PRDM6: variants seen among roughly 807,000 people sequenced by gnomAD.
PRDM6 encodes putative histone-lysine N-methyltransferase PRDM6.
In PRDM6, 25 loss-of-function variants were observed where a neutral mutation model predicts 60.8. The ratio of observed to expected loss-of-function variants is 0.41; its 90% CI spans 0.30 to 0.57. The LOEUF is 0.57. PRDM6 is among the 20% of genes least tolerant of loss of function. The pLI is 0.27. For missense variants in PRDM6, 839 were observed against 821.3 expected (o/e 1.02, Z -0.26); for synonymous variants, 407 against 357.4 (o/e 1.14, Z -1.57).
intron 6 of PRDM6, among the ~76,000 whole-genome samples, chr5:123,172,475 G>A (rs929580524): frequency 6.6e-5 from 10 of 152,234 alleles, no homozygotes; most frequent in Non-Finnish European, 1.0e-4. Flanking sequence ...TACTATTGGC[G>A]TAGAGGTGAT....
intron 5 of PRDM6, among the ~76,000 whole-genome samples, chr5:123,167,516 A>G (rs1765780230): frequency 6.6e-6 from 1 of 152,128 alleles, no homozygotes; most frequent in Non-Finnish European, 1.5e-5. Context: ...CAGCCTCCCA[A>G]GTAGCTGGGA....
chr5:123,125,061 A>AT (rs11345367), intron 3 of PRDM6, among the ~76,000 whole-genome samples: 65,487 of 138,144 alleles, frequency 0.47, 15,554 homozygotes, highest in Middle Eastern at 0.58. Context: ...AACTTACAAC[A>AT]TTTTTTTTTT....
chr5:123,150,601 G>A (rs539190072), intron 3 of PRDM6, among the ~76,000 whole-genome samples: 48 of 152,254 alleles, frequency 3.2e-4, no homozygotes, highest in Middle Eastern at 3.4e-3. Context: ...ATCTATGTTG[G>A]CAAACAGTAT....
rs1305393659 is a variant in PRDM6, at chr5:123,180,207, C to T, written c.1557C>T (p.His519=). 6 of 1,552,048 alleles carry T rather than the reference C, an allele frequency of 3.9e-6. No individual in the cohort carries two copies. The highest frequency in any genetic ancestry group is 3.9e-5 in the Admixed American group (2 of 50,992). The part of the protein sequence containing the change: ...SFSQPSELRN[H]VVTHSSDRPF... ...CCCAGCCTTCAGAACTGAGGAACCA[C>T]GTGGTCACTCACTCTAGTGACCGGC... The change falls in exon 7 of 8, where the codon CAC becomes CAT. Residue 519 remains histidine (H), a synonymous_variant. Transcript: ENST00000407847.
chr5:123,125,829 G>A (rs1308487251), intron 3 of PRDM6, among the ~76,000 whole-genome samples: 4 of 152,216 alleles, frequency 2.6e-5, no homozygotes, highest in Non-Finnish European at 5.9e-5. Flanking sequence ...GGAGTTTCAT[G>A]CACTGGAAGA....
chr5:123,102,924 A>G (rs1033367733), intron 3 of PRDM6, among the ~76,000 whole-genome samples: 3 of 152,108 alleles, frequency 2.0e-5, no homozygotes, highest in African/African-American at 4.8e-5. Context: ...GGCTTATTAC[A>G]GAAACAATCA....
chr5:123,114,548 C>T (rs542934551), intron 3 of PRDM6, among the ~76,000 whole-genome samples: 4 of 152,296 alleles, frequency 2.6e-5, no homozygotes, highest in Admixed American at 6.5e-5. Context: ...GTTTGGTAAG[C>T]TTATTTGGGA....
chr5:123,094,432 T>TTCTCTCTCTCTCTCTCTCTCTCTCTC (rs3037346), intron 2 of PRDM6, among the ~76,000 whole-genome samples: 10 of 147,956 alleles, frequency 6.8e-5, no homozygotes, highest in Non-Finnish European at 1.5e-4. Context: ...GCTTTTGTGT[T>TTCTCTCTCTCTCTCTCTCTCTCTCTC]TCTCTCTCTC....
intron 3 of PRDM6, among the ~76,000 whole-genome samples, chr5:123,135,530 G>A (rs1434108179): frequency 2.0e-5 from 3 of 152,110 alleles, no homozygotes; most frequent in Admixed American, 2.0e-4. Context: ...AAACTTTAGG[G>A]TGAACCAATT....
In PRDM6 at chr5:123,090,375, C is replaced by T. The variant is rs895766232; in HGVS notation, c.361C>T (p.Pro121Ser). The change falls in exon 2 of 8, where the codon CCT (proline) becomes TCT (serine). Residue 121 changes from proline to serine, a missense_variant. By Grantham distance (74) the Pro-to-Ser change is moderately conservative. Coordinates refer to ENST00000407847, the MANE Select transcript of PRDM6 (RefSeq NM_001136239.4). ...GGTGTCGCAGCTGCCGGTGTTCGCG[C>T]CTCTAGCCGCCGCTGCCGTCGCCGC... The part of the protein sequence containing the change: ...LPVSQLPVFA[P>S]LAAAAVAAEP... 34 of 1,468,018 alleles carry T rather than the reference C, an allele frequency of 2.3e-5. No individual in the cohort carries two copies. Among genetic ancestry groups the T allele is most frequent in the Non-Finnish European group, 2.7e-5 (30 of 1,115,568 alleles). 90.9% of individuals were successfully genotyped at this position (1,468,018 alleles called of 1,614,324 possible). A position where few individuals can be genotyped will look rare whatever the true frequency, so the allele number is the denominator to read the frequency against.
intron 3 of PRDM6, among the ~76,000 whole-genome samples, chr5:123,139,027 C>T (rs531226653): frequency 3.3e-5 from 5 of 152,132 alleles, no homozygotes; most frequent in Admixed American, 1.3e-4. Flanking sequence ...GTTTTATAAG[C>T]GTCTGGCATT....
intron 5 of PRDM6, 40 bp from the exon 6 acceptor site, chr5:123,170,726 C>G (rs1765868117): frequency 7.5e-7 from 1 of 1,332,860 alleles, no homozygotes; most frequent in Non-Finnish European, 1.0e-6. Context: ...ATTTTAAAGG[C>G]TAATAAAACT....
In PRDM6 at chr5:123,090,636, C is replaced by T. The variant is rs772017495; in HGVS notation, c.592+30C>T. ...GTAGCCGCAGCCCGCGCGCTCTCTC[C>T]CGGGGCGCCGGCGCCGGCGCCGGCG... On this transcript the variant is annotated intron_variant, in intron 2 of 7. Coordinates refer to ENST00000407847, the MANE Select transcript of PRDM6 (RefSeq NM_001136239.4). 305 of 1,336,740 alleles carry T rather than the reference C, an allele frequency of 2.3e-4. No homozygotes were observed. In the East Asian group the frequency reaches 0.014, roughly 63 times the overall value. 82.8% of individuals were successfully genotyped at this position (1,336,740 alleles called of 1,614,324 possible).
chr5:123,108,692 T>A (rs1044585705), intron 3 of PRDM6, among the ~76,000 whole-genome samples: 1 of 152,144 alleles, frequency 6.6e-6, no homozygotes, highest in Non-Finnish European at 1.5e-5. Context: ...AAGCGGAAAT[T>A]AATTTTTATA....
rs1765263035 is a variant in PRDM6, at chr5:123,147,277, A to AG, written c.901-8607_901-8606insG. Among the ~76,000 whole-genome samples the AG allele has an allele frequency of 5.7e-5, 5 of 87,948 alleles. No homozygotes were observed. In the East Asian group the frequency reaches 9.8e-4, roughly 17 times the overall value. 57.7% of individuals were successfully genotyped at this position (87,948 alleles called of 152,430 possible). On this transcript the variant is annotated intron_variant, in intron 3 of 7. Transcript: ENST00000407847. The stretch of plus-strand genomic sequence containing the variant: ...GTGAAATACATTAACACTGATACTA[A>AG]AAAGAGAGAGAGAGAGAGAGAGAGA...
intron 3 of PRDM6, among the ~76,000 whole-genome samples, chr5:123,114,451 C>T (rs1233277250): frequency 6.6e-6 from 1 of 152,228 alleles, no homozygotes; most frequent in Non-Finnish European, 1.5e-5. Context: ...CTTCACCACC[C>T]TTTCCACACT....
chr5:123,124,202 T>A (rs564214012), intron 3 of PRDM6, among the ~76,000 whole-genome samples: 13 of 152,322 alleles, frequency 8.5e-5, no homozygotes, highest in Non-Finnish European at 1.8e-4. Flanking sequence ...TCTGCATATA[T>A]GACTGTTTAT....
At chr5:123,114,268 A>G (rs1764381360) in intron 3 of PRDM6, among the ~76,000 whole-genome samples, 1 of 152,170 alleles carries the variant, frequency 6.6e-6, no homozygotes, top group African/African-American at 2.4e-5. Flanking sequence ...ACTTCATGCA[A>G]ACTAATAGAA....
chr5:123,115,472 A>C (rs1764414957), intron 3 of PRDM6, among the ~76,000 whole-genome samples: 1 of 152,220 alleles, frequency 6.6e-6, no homozygotes, highest in Non-Finnish European at 1.5e-5. Flanking sequence ...GTTCACACGC[A>C]CACACTGTTA....
Sources: gnomAD v4.1 joint callset for allele counts (sites outside exome capture counted in the v4.1 genomes callset) on GRCh38, gnomAD v4.1.1 for gene constraint, MANE v1.5 for transcripts, NCBI Gene and HGNC (gene_info 2026-07-23, HGNC 2026-07-21) for gene names.